The following TMEM171 variants were observed in gnomAD, a reference collection of about 807,000 sequenced individuals.
The protein encoded by TMEM171 is proline-rich protein PRP2.
TMEM171 carries 16 observed loss-of-function variants against 19.1 expected under a neutral mutation model. The ratio of observed to expected loss-of-function variants is 0.84; its 90% confidence interval spans 0.57 to 1.27. The LOEUF is 1.27. Among genes scored for constraint, TMEM171 ranks in the 50% most tolerant of loss-of-function variants. The pLI, the probability that TMEM171 is intolerant of heterozygous loss-of-function variation, is 0.00. For synonymous variants in TMEM171, 153 were observed against 163.4 expected, an observed-to-expected ratio of 0.94 and a Z score of 0.48; for missense variants, 429 against 412.7, an observed-to-expected ratio of 1.04 and a Z score of -0.34.
In TMEM171 at chr5:73,123,863, C is replaced by A. The variant is rs139677370; in HGVS notation, c.490C>A (p.Gln164Lys). The A allele has an allele frequency of 4.3e-6, 7 of 1,613,804 alleles. No homozygotes were observed. The African/African-American group carries it at 8.0e-5, about 18-fold the overall frequency. Reference sequence around the variant, plus strand: ...CCGGATGTGTGGGTTCCTTTCTCTGCAGATCATGGGGCCCTTGATTGTGCT... The same window carrying A: ...CCGGATGTGTGGGTTCCTTTCTCTGAAGATCATGGGGCCCTTGATTGTGCT... ...EPRMCGFLSL[Q>K]IMGPLIVLVG... Residue 164 changes from glutamine to lysine, a missense_variant, in exon 2 of 4, where the codon CAG (glutamine) becomes AAG (lysine). Gln to Lys is a moderately conservative substitution (Grantham distance 53, BLOSUM62 1). Transcript: ENST00000454765.
At chr5:73,128,732 G>A (rs1054800020) in intron 3 of TMEM171, among the ~76,000 whole-genome samples, 1 of 143,422 alleles carries the variant, frequency 7.0e-6, no homozygotes, top group African/African-American at 2.6e-5. Flanking sequence ...GATCATGCTG[G>A]GTTAATATGA....
In TMEM171 at chr5:73,127,385, ATATAT is replaced by A. The variant is rs1328953148; in HGVS notation, c.641-1004_641-1000del. Among the ~76,000 whole-genome samples the A allele has an allele frequency of 9.5e-4, 63 of 66,444 alleles. 1 individual carries two copies. Among genetic ancestry groups the A allele is most frequent in the Middle Eastern group, 0.015 (2 of 130 alleles). 43.6% of individuals were successfully genotyped at this position (66,444 alleles called of 152,430 possible). On this transcript the variant is annotated intron_variant, in intron 2 of 3. Coordinates refer to ENST00000454765, the MANE Select transcript of TMEM171 (RefSeq NM_173490.8). ...AATTTGTGGTAAAAAAAAAAAAAAA[ATATAT>A]ATATATATATATATATAAAGCATAA...
chr5:73,131,144 T>G (rs1459765700), intron 3 of TMEM171, among the ~76,000 whole-genome samples: 1 of 152,168 alleles, frequency 6.6e-6, no homozygotes, highest in Non-Finnish European at 1.5e-5. Context: ...GTTTGTGGCT[T>G]AATGTTTTAA....
chr5:73,123,755 G>C lies in TMEM171; in HGVS notation c.382G>C (p.Val128Leu). The change falls in exon 2 of 4, where the codon GTC becomes CTC. Residue 128 changes from valine to leucine, a missense_variant. Coordinates refer to ENST00000454765, the MANE Select transcript of TMEM171 (RefSeq NM_173490.8). ...LFLTSGMLIS[V>L]LGIWVPGCGS... ...CTTGACAAGCGGCATGCTCATCAGC[G>C]TCCTGGGCATTTGGGTCCCTGGATG... is the stretch of plus-strand genomic sequence containing the variant. 1.1e-5 allele frequency: 17 copies of C among 1,614,002 alleles called. No individual in the cohort carries two copies. Among genetic ancestry groups the C allele is most frequent in the Non-Finnish European group, 1.4e-5 (17 of 1,179,888 alleles).
At chr5:73,122,884 A>T (rs781199276) in intron 1 of TMEM171, among the ~76,000 whole-genome samples, 11 of 152,208 alleles carry the variant, frequency 7.2e-5, no homozygotes, top group Non-Finnish European at 1.2e-4. Context: ...TACTGAACTG[A>T]CTTGAAAATG....
At chr5:73,126,620 A>C (rs1337131690) in intron 2 of TMEM171, among the ~76,000 whole-genome samples, 2 of 152,046 alleles carry the variant, frequency 1.3e-5, no homozygotes, top group African/African-American at 2.4e-5. Context: ...CCTTCCTTCT[A>C]TCTGTCCTGT....
intron 2 of TMEM171, 136 bp from the exon 3 acceptor site, chr5:73,128,254 C>CT (rs1744233727): frequency 3.9e-6 from 4 of 1,029,438 alleles, no homozygotes; most frequent in Admixed American, 4.5e-5. Flanking sequence ...AATGGGCTTA[C>CT]TTTTAAATTT....
intron 3 of TMEM171, 42 bp from the exon 4 acceptor site, chr5:73,131,495 GT>G: frequency 6.6e-7 from 1 of 1,503,942 alleles, no homozygotes; most frequent in Non-Finnish European, 8.9e-7. Context: ...GGGTGTCACT[GT>G]TTTCATCCCC....
At chr5:73,131,251 A>G (rs4704054) in intron 3 of TMEM171, among the ~76,000 whole-genome samples, 42,090 of 149,012 alleles carry the variant, frequency 0.28, 6,269 homozygotes, top group South Asian at 0.37. Context: ...GTGTGTGTCT[A>G]TGTTCTCTTT....
intron 2 of TMEM171, among the ~76,000 whole-genome samples, chr5:73,127,384 A>AAAAAATATATATATATATAT: frequency 7.3e-5 from 6 of 81,682 alleles, no homozygotes; most frequent in African/African-American, 3.9e-4. Flanking sequence ...AAAAAAAAAA[A>AAAAAATATATATATATATAT]ATATATATAT....
At position 73,123,978 on chromosome 5, in the gene TMEM171, A is replaced by G. The variant is rs1744094578; in HGVS notation, c.605A>G (p.Gln202Arg). 6.3e-7 allele frequency: 1 copy of G among 1,588,572 alleles called. No individual in the cohort carries two copies. Among genetic ancestry groups the G allele is most frequent in the South Asian group, 1.2e-5 (1 of 86,446 alleles). Residue 202 changes from glutamine to arginine, a missense_variant, in exon 2 of 4, where the codon CAG (glutamine) becomes CGG (arginine). Transcript: ENST00000454765. ...GATGCCTCTGAGAGAGAAGAGGGAC[A>G]GATCCAGATTATGGAGCCTGTCCAG... ...GQDASEREEGQIQIMEPVQVT... is the reference protein window; with the variant it reads ...GQDASEREEGRIQIMEPVQVT...
chr5:73,128,620 T>C, intron 3 of TMEM171, 89 bp downstream of exon 3: 1 of 1,499,092 alleles, frequency 6.7e-7, no homozygotes, highest in Non-Finnish European at 9.1e-7. Flanking sequence ...GGCATTCAAG[T>C]GTGAGTATCT....
rs75514270 is a variant in TMEM171, at chr5:73,128,457, C to A, written c.708C>A (p.Val236=). The change falls in exon 3 of 4, where the codon GTC becomes GTA. Residue 236 remains valine (V), a synonymous_variant. Coordinates refer to ENST00000454765, the MANE Select transcript of TMEM171 (RefSeq NM_173490.8). ...PYFPESSASA[V]AESPGTNSLL... is the part of the protein sequence containing the mutation. The stretch of plus-strand genomic sequence containing the variant: ...TTCCTGAATCTTCAGCTTCTGCGGT[C>A]GCTGAGAGTCCTGGAACTAACAGTC... 11 of 1,614,042 alleles carry A rather than the reference C, an allele frequency of 6.8e-6. No homozygotes were observed. In the South Asian group the frequency reaches 9.9e-5, roughly 14 times the overall value.
intron 2 of TMEM171, among the ~76,000 whole-genome samples, chr5:73,126,504 G>A (rs139200761): frequency 6.6e-6 from 1 of 152,332 alleles, no homozygotes; most frequent in East Asian, 1.9e-4. Context: ...CCTCTGTGGT[G>A]TTTCTTCATC....
Position 73,128,394 on chromosome 5 carries a change from C to T in TMEM171, c.645C>T (p.Asp215=). The change falls in exon 3 of 4, where the codon GAC becomes GAT. Residue 215 remains aspartate, a synonymous_variant. Transcript: ENST00000454765. The stretch of plus-strand genomic sequence containing the variant: ...CTAAATATTGTTTTGCCTTAGGTGA[C>T]TCGGTAATAATATTTCCACCCCCTC... ...IMEPVQVTVG[D]SVIIFPPPPP... is the part of the protein sequence containing the mutation. The T allele has an allele frequency of 6.2e-7, 1 of 1,614,052 alleles. No individual in the cohort carries two copies. The highest frequency in any genetic ancestry group is 1.3e-5 in the African/African-American group (1 of 75,038).
rs759325924 is a variant in TMEM171, at chr5:73,123,595, G to T, written c.222G>T (p.Val74=). 3.7e-6 allele frequency: 6 copies of T among 1,614,248 alleles called. No homozygotes were observed. The highest frequency in any genetic ancestry group is 5.1e-6 in the Non-Finnish European group (6 of 1,180,048). The part of the protein sequence containing the change: ...PACAVVGLGA[V]ILARSRAQLQ... ...GTGCCGTGGTTGGGCTTGGGGCTGT[G>T]ATCCTGGCCCGCTCCCGGGCGCAAC... The change falls in exon 2 of 4, where the codon GTG becomes GTT. Residue 74 remains valine (V), a synonymous_variant. Transcript: ENST00000454765.
At chr5:73,122,733 G>T (rs1744037822) in intron 1 of TMEM171, among the ~76,000 whole-genome samples, 1 of 152,184 alleles carries the variant, frequency 6.6e-6, no homozygotes, top group African/African-American at 2.4e-5. Context: ...CAACTTAAAA[G>T]TCCACCAAAC....
At chr5:73,128,280 G>A in intron 2 of TMEM171, 110 bp from the exon 3 acceptor site, 6 of 1,274,228 alleles carry the variant, frequency 4.7e-6, no homozygotes, top group Admixed American at 2.1e-5. Context: ...TTAGCAGCAG[G>A]TGTGTTGACC....
chr5:73,124,129 C>T, intron 2 of TMEM171, 116 bp downstream of exon 2: 4 of 916,652 alleles, frequency 4.4e-6, no homozygotes, highest in Non-Finnish European at 6.4e-6. Flanking sequence ...ATCTCTCACA[C>T]ATGTGTGTGC....
Sources: allele counts gnomAD v4.1 joint callset (sites outside exome capture counted in the v4.1 genomes callset), GRCh38; gene constraint gnomAD v4.1.1; transcripts MANE v1.5; gene names NCBI Gene and HGNC (gene_info 2026-07-23, HGNC 2026-07-21).